The following COL25A1 variants were observed in gnomAD, a reference collection of about 807,000 sequenced individuals.
COL25A1 encodes the protein collagen type XXV alpha 1 chain.
COL25A1 carries 103 observed loss-of-function variants against 128.4 expected under a neutral mutation model. The observed-to-expected ratio is 0.80, with a 90% CI of 0.68 to 0.94. The LOEUF is 0.94. Among genes scored for constraint, COL25A1 ranks in the 40% least tolerant of loss-of-function variants. The pLI is 0.00. For synonymous variants in COL25A1, 279 were observed against 277.2 expected (o/e 1.01, Z -0.06); for missense variants, 745 against 840.0 (o/e 0.89, Z 1.40).
chr4:108,891,909 G>T (rs982220121), intron 16 of COL25A1, among the ~76,000 whole-genome samples: 1 of 151,890 alleles, frequency 6.6e-6, no homozygotes, highest in Non-Finnish European at 1.5e-5. Context: ...TGGATGGAAA[G>T]AAAAAGACAG....
chr4:108,911,539 G>T lies in COL25A1; in HGVS notation c.780+6633C>A, dbSNP rs116730593. On this transcript the variant is annotated intron_variant, in intron 13 of 37. Transcript: ENST00000399132. ...TGAGGCAGAGACAGCTGTAAACTCA[G>T]TGTTCAGTTGGTGCCTCACACTTAG... Among the ~76,000 whole-genome samples, 3 of 152,180 alleles carry T rather than the reference G, an allele frequency of 2.0e-5. No individual in the cohort carries two copies. The South Asian group carries it at 6.2e-4, about 32-fold the overall frequency.
chr4:108,875,666 G>T (rs1578627395), intron 19 of COL25A1, among the ~76,000 whole-genome samples: 1 of 152,242 alleles, frequency 6.6e-6, no homozygotes, highest in South Asian at 2.1e-4. Context: ...ACTCCTCAAG[G>T]ATCTAGAACT....
In COL25A1 at chr4:109,012,554, GC is replaced by G. The variant is rs1177860147; in HGVS notation, c.421-2180del. Among the ~76,000 whole-genome samples the G allele has an allele frequency of 6.6e-5, 10 of 152,268 alleles. No individual in the cohort carries two copies. The South Asian group carries it at 1.2e-3, about 19-fold the overall frequency. ...TTCCAGGTGGGCGCGGGCTTGGCGGGCCCACACTTGGAGCGGCCGGCCAGCC... is the reference window on the plus strand; with the variant it reads ...TTCCAGGTGGGCGCGGGCTTGGCGGGCCACACTTGGAGCGGCCGGCCAGCC... On this transcript the variant is annotated intron_variant, in intron 5 of 37. Transcript: ENST00000399132.
chr4:109,251,478 C>T (rs1035903578), intron 3 of COL25A1, among the ~76,000 whole-genome samples: 9 of 152,196 alleles, frequency 5.9e-5, no homozygotes, highest in Non-Finnish European at 7.3e-5. Context: ...CCCTATATGC[C>T]ATACACACTC....
intron 3 of COL25A1, among the ~76,000 whole-genome samples, chr4:109,186,839 A>G (rs937318786): frequency 1.3e-5 from 2 of 152,228 alleles, no homozygotes; most frequent in African/African-American, 4.8e-5. Context: ...AGGAGGTCCA[A>G]GGTCATGCAT....
chr4:109,102,456 TA>T (rs1200287514), intron 3 of COL25A1, among the ~76,000 whole-genome samples: 1 of 152,150 alleles, frequency 6.6e-6, no homozygotes, highest in African/African-American at 2.4e-5. Flanking sequence ...CATGTGCACT[TA>T]AACAGACTCT....
chr4:108,832,543 C>A, intron 31 of COL25A1, 110 bp from the exon 32 acceptor site: 2 of 679,352 alleles, frequency 2.9e-6, no homozygotes, highest in East Asian at 2.7e-5. Flanking sequence ...AGTAAGACAA[C>A]TCATCTCCTT....
At chr4:109,233,534 T>C (rs1044193686) in intron 3 of COL25A1, among the ~76,000 whole-genome samples, 2 of 149,810 alleles carry the variant, frequency 1.3e-5, no homozygotes, top group African/African-American at 2.5e-5. Flanking sequence ...AGGAAGCTCA[T>C]TGAGCACTGA....
At chr4:108,943,633 C>G (rs998281949) in intron 8 of COL25A1, among the ~76,000 whole-genome samples, 4 of 152,110 alleles carry the variant, frequency 2.6e-5, no homozygotes, top group Admixed American at 1.3e-4. Flanking sequence ...CCCCTTAATG[C>G]AGAAAAGCGG....
At chr4:109,134,707 C>T (rs569541864) in intron 3 of COL25A1, among the ~76,000 whole-genome samples, 6 of 151,984 alleles carry the variant, frequency 3.9e-5, no homozygotes, top group South Asian at 4.2e-4. Context: ...ACTAGATGGA[C>T]GGTGAAGCTA....
chr4:109,067,638 A>G (rs1762569314), intron 3 of COL25A1, among the ~76,000 whole-genome samples: 1 of 152,218 alleles, frequency 6.6e-6, no homozygotes, highest in Non-Finnish European at 1.5e-5. Flanking sequence ...CCTGGTGAAC[A>G]GTTTTTGTTT....
chr4:109,156,723 A>C (rs1196567666), intron 3 of COL25A1, among the ~76,000 whole-genome samples: 1 of 152,236 alleles, frequency 6.6e-6, no homozygotes, highest in Non-Finnish European at 1.5e-5. Flanking sequence ...AAATAGCATG[A>C]AACAAAGCAA....
chr4:109,208,269 C>T (rs938609523), intron 3 of COL25A1, among the ~76,000 whole-genome samples: 4 of 152,140 alleles, frequency 2.6e-5, no homozygotes, highest in African/African-American at 4.8e-5. Flanking sequence ...CTTGTGAATC[C>T]GAGCAATCCA....
intron 13 of COL25A1, among the ~76,000 whole-genome samples, chr4:108,913,378 C>T (rs1307656368): frequency 6.7e-6 from 1 of 149,470 alleles, no homozygotes; most frequent in Non-Finnish European, 1.5e-5. Context: ...CCTACCTCAG[C>T]ATCCCAAGTA....
intron 13 of COL25A1, among the ~76,000 whole-genome samples, chr4:108,915,628 C>T (rs2125891433): frequency 6.6e-6 from 1 of 152,180 alleles, no homozygotes; most frequent in East Asian, 1.9e-4. Flanking sequence ...TAGGATCTCA[C>T]TATGGTGCCC....
chr4:109,282,557 T>C (rs760579044), intron 3 of COL25A1, among the ~76,000 whole-genome samples: 9 of 152,222 alleles, frequency 5.9e-5, no homozygotes, highest in Admixed American at 3.3e-4. Flanking sequence ...AGTTGTCATT[T>C]AACTATTTAT....
intron 3 of COL25A1, among the ~76,000 whole-genome samples, chr4:109,138,161 G>A (rs1340132779): frequency 2.0e-5 from 3 of 151,918 alleles, no homozygotes; most frequent in African/African-American, 7.3e-5. Flanking sequence ...GACAGACCCT[G>A]GTGTGTGATG....
chr4:109,202,076 C>T (rs988492147), intron 3 of COL25A1, among the ~76,000 whole-genome samples: 10 of 152,082 alleles, frequency 6.6e-5, no homozygotes, highest in South Asian at 2.1e-4. Flanking sequence ...AATGCAATCC[C>T]GATCAACTTC....
intron 3 of COL25A1, among the ~76,000 whole-genome samples, chr4:109,152,615 T>C (rs1771608646): frequency 1.3e-5 from 2 of 152,110 alleles, no homozygotes; most frequent in South Asian, 4.1e-4. Context: ...GAAAGCAACC[T>C]AAACACCCAT....
Sources: allele counts gnomAD v4.1 joint callset (sites outside exome capture counted in the v4.1 genomes callset), GRCh38; gene constraint gnomAD v4.1.1; transcripts MANE v1.5; gene names NCBI Gene and HGNC (gene_info 2026-07-23, HGNC 2026-07-21).